LRRC36: variants seen among roughly 807,000 people sequenced by gnomAD.
The protein encoded by LRRC36 is leucine rich repeat containing 36.
A neutral mutation model predicts 81.1 loss-of-function variants in LRRC36; 62 were observed. That is an observed-to-expected ratio of 0.76 (90% CI 0.62 to 0.94). The LOEUF is 0.94. Ranked by LOEUF, LRRC36 falls within the 40% of genes least tolerant of loss-of-function variation. The probability of loss-of-function intolerance (pLI) is 0.00; values close to 1 mark genes in which losing one functional copy is unlikely to be tolerated. For synonymous variants in LRRC36, 334 were observed against 348.6 expected (o/e 0.96, Z 0.47); for missense variants, 761 against 881.7 (o/e 0.86, Z 1.73).
Position 67,350,995 on chromosome 16 carries a change from G to A in LRRC36, c.577+705G>A, listed in dbSNP as rs554477871. Among the ~76,000 whole-genome samples, 165 of 152,226 alleles carry A rather than the reference G, an allele frequency of 1.1e-3. 2 individuals carry two copies. Among genetic ancestry groups the A allele is most frequent in the South Asian group, 2.1e-4 (1 of 4,828 alleles). ...AGAGGTTGTGGTGAGCCGAGATCAC[G>A]CCATTGCACTCCAGCCTAGGCAACA... is the stretch of plus-strand genomic sequence containing the variant. On this transcript the variant is annotated intron_variant, in intron 5 of 13. Coordinates refer to ENST00000329956, the MANE Select transcript of LRRC36 (RefSeq NM_018296.6).
chr16:67,356,403 A>G (rs2038904336), intron 5 of LRRC36, among the ~76,000 whole-genome samples: 2 of 152,222 alleles, frequency 1.3e-5, no homozygotes, highest in Admixed American at 1.3e-4. Flanking sequence ...CTAGAAGTTC[A>G]TTTATCTCTC....
intron 13 of LRRC36, among the ~76,000 whole-genome samples, chr16:67,384,404 A>C (rs890958966): frequency 6.6e-6 from 1 of 152,188 alleles, no homozygotes; most frequent in African/African-American, 2.4e-5. Flanking sequence ...ATTGCACTCT[A>C]GCCTGGGCAA....
chr16:67,377,905 T>C (rs999261279), intron 11 of LRRC36, among the ~76,000 whole-genome samples: 1 of 152,220 alleles, frequency 6.6e-6, no homozygotes, highest in Non-Finnish European at 1.5e-5. Flanking sequence ...AGTGCTGCAA[T>C]TACAGGCCTG....
chr16:67,326,853 G>C lies in LRRC36; in HGVS notation c.-10G>C, dbSNP rs779834851. 7.0e-7 allele frequency: 1 copy of C among 1,429,630 alleles called. No homozygotes were observed. Among genetic ancestry groups the C allele is most frequent in the Non-Finnish European group, 9.1e-7 (1 of 1,101,112 alleles). The allele number at this position is 1,429,630 out of a possible 1,614,324, so 88.6% of individuals were successfully genotyped here. The stretch of plus-strand genomic sequence containing the variant: ...TCTCGCGGGCGGTGGCAGGTGAGCG[G>C]CGGGCGGGGATGGCGGAGCAATGGG... On this transcript the variant is annotated 5_prime_UTR_variant, in exon 1 of 14. Coordinates refer to ENST00000329956, the MANE Select transcript of LRRC36 (RefSeq NM_018296.6).
intron 5 of LRRC36, among the ~76,000 whole-genome samples, chr16:67,362,896 G>A (rs988420430): frequency 6.6e-6 from 1 of 152,052 alleles, no homozygotes; most frequent in Non-Finnish European, 1.5e-5. Context: ...TCCTGCCTTA[G>A]CCTCCTGAGT....
chr16:67,328,355 C>CA (rs1213977779), intron 1 of LRRC36, among the ~76,000 whole-genome samples: 5 of 151,434 alleles, frequency 3.3e-5, no homozygotes, highest in African/African-American at 9.7e-5. Flanking sequence ...ACTAAAAATA[C>CA]AAAAAAAATT....
At chr16:67,370,504 T>C (rs2039586831) in intron 8 of LRRC36, among the ~76,000 whole-genome samples, 2 of 151,534 alleles carry the variant, frequency 1.3e-5, no homozygotes, top group South Asian at 2.1e-4. Flanking sequence ...TAGCTGGGCA[T>C]GGTGGGTAGA....
chr16:67,357,618 T>C (rs561426239), intron 5 of LRRC36, among the ~76,000 whole-genome samples: 3 of 152,350 alleles, frequency 2.0e-5, no homozygotes, highest in East Asian at 3.9e-4. Flanking sequence ...TTTGTACCCC[T>C]GCCTAGCTCT....
chr16:67,355,864 G>A (rs1361237863), intron 5 of LRRC36, among the ~76,000 whole-genome samples: 1 of 152,170 alleles, frequency 6.6e-6, no homozygotes, highest in Non-Finnish European at 1.5e-5. Context: ...AAAGCCATCA[G>A]ACCTTACAGG....
chr16:67,358,924 G>T (rs2039027273), intron 5 of LRRC36, among the ~76,000 whole-genome samples: 1 of 152,090 alleles, frequency 6.6e-6, no homozygotes, highest in African/African-American at 2.4e-5. Context: ...GGGAGGAGCA[G>T]AAAAGATAAC....
chr16:67,350,107 G>A (rs1264946951), intron 4 of LRRC36, 95 bp from the exon 5 acceptor site: 1 of 815,234 alleles, frequency 1.2e-6, no homozygotes, highest in East Asian at 2.5e-5. Context: ...AGAAAAATCT[G>A]ATCACCATAG....
intron 1 of LRRC36, among the ~76,000 whole-genome samples, chr16:67,337,730 A>C (rs980170812): frequency 1.3e-5 from 2 of 151,624 alleles, no homozygotes; most frequent in South Asian, 4.1e-4. Context: ...CATCTTTCTG[A>C]ATTTGTCTAT....
At chr16:67,370,471 A>G (rs9924505) in intron 8 of LRRC36, among the ~76,000 whole-genome samples, 134,603 of 151,796 alleles carry the variant, frequency 0.89, 60,018 homozygotes, top group East Asian at 1. Flanking sequence ...GTGAAACCCC[A>G]TCTCTACTAA....
chr16:67,367,930 G>A (rs748546872), intron 8 of LRRC36, among the ~76,000 whole-genome samples: 13 of 152,110 alleles, frequency 8.5e-5, no homozygotes, highest in Admixed American at 3.3e-4. Context: ...GGTGGCATGC[G>A]CCTGTAATCC....
At chr16:67,362,051 G>A (rs562404349) in intron 5 of LRRC36, 27 of 313,354 alleles carry the variant, frequency 8.6e-5, no homozygotes, top group South Asian at 4.5e-4. Context: ...GGCAACATAC[G>A]GATACCCTAT....
rs913652725 is a variant in LRRC36, at chr16:67,334,014, C to CATT, written c.70+7095_70+7097dup. On this transcript the variant is annotated intron_variant, in intron 1 of 13. Transcript: ENST00000329956. ...TTTTTGACAATTATGTCGTGTCCAC[C>CATT]ATTATTATTATTATTTTTATTTATT... 9.9e-4 allele frequency among the ~76,000 whole-genome samples: 151 copies of CATT among 151,932 alleles called. 3 individuals carry two copies. Among genetic ancestry groups the CATT allele is most frequent in the African/African-American group, 3.0e-3 (126 of 41,456 alleles).
At chr16:67,345,590 T>C (rs2038306188) in intron 2 of LRRC36, among the ~76,000 whole-genome samples, 1 of 152,016 alleles carries the variant, frequency 6.6e-6, no homozygotes, top group Admixed American at 6.6e-5. Flanking sequence ...AACTGACTGA[T>C]TGATTAAATG....
chr16:67,332,665 T>G (rs2037552989), intron 1 of LRRC36, among the ~76,000 whole-genome samples: 1 of 152,208 alleles, frequency 6.6e-6, no homozygotes, highest in South Asian at 2.1e-4. Flanking sequence ...AGTTTATCAT[T>G]TTAATAATTC....
chr16:67,334,193 G>A (rs188331197), intron 1 of LRRC36, among the ~76,000 whole-genome samples: 17 of 151,806 alleles, frequency 1.1e-4, no homozygotes, highest in South Asian at 4.2e-4. Flanking sequence ...CACTGTGCCC[G>A]GCTAATTTTT....
Sources: gnomAD v4.1 joint callset for allele counts (sites outside exome capture counted in the v4.1 genomes callset) on GRCh38, gnomAD v4.1.1 for gene constraint, MANE v1.5 for transcripts, NCBI Gene and HGNC (gene_info 2026-07-23, HGNC 2026-07-21) for gene names.